The following NBEAL1 variants were observed in gnomAD, a reference collection of about 807,000 sequenced individuals.
The protein encoded by NBEAL1 is neurobeachin like 1.
Under a neutral mutation model 351.3 loss-of-function variants are expected in NBEAL1, and 273 were observed. The ratio of observed to expected loss-of-function variants is 0.78; its 90% CI spans 0.70 to 0.86. The LOEUF is 0.86. NBEAL1 is among the 40% of genes least tolerant of loss of function. The pLI is 0.00. For synonymous variants in NBEAL1, 1,050 were observed against 1,086.4 expected (o/e 0.97, Z 0.66); for missense variants, 2,961 against 3,201.3 (o/e 0.92, Z 1.81).
At chr2:203,107,376 G>T in intron 12 of NBEAL1, 44 bp from the exon 13 acceptor site, 1 of 929,442 alleles carries the variant, frequency 1.1e-6, no homozygotes, top group Non-Finnish European at 1.6e-6. Context: ...AACATATTCA[G>T]TCTTTGAAAA....
chr2:203,092,380 C>A (rs941810784), intron 10 of NBEAL1, among the ~76,000 whole-genome samples: 1 of 151,228 alleles, frequency 6.6e-6, no homozygotes, highest in Non-Finnish European at 1.5e-5. Flanking sequence ...ATGGTGAAAC[C>A]CTGTCTCTAC....
chr2:203,067,005 C>A (rs542710222), intron 6 of NBEAL1, among the ~76,000 whole-genome samples: 2 of 137,312 alleles, frequency 1.5e-5, no homozygotes, highest in Admixed American at 1.5e-4. Flanking sequence ...ACCTCCCAGA[C>A]GGGGCGGCCG....
chr2:203,041,862 T>C lies in NBEAL1; in HGVS notation c.143+6T>C, dbSNP rs1286773504. Reference sequence around the variant, plus strand: ...TTTGAAAAGCTGCCTACCAGGTATGTAGAAACGCTAATTTGTAACCCCTGG... The same window carrying C: ...TTTGAAAAGCTGCCTACCAGGTATGCAGAAACGCTAATTTGTAACCCCTGG... On this transcript the variant is annotated splice_donor_region_variant and intron_variant, in intron 3 of 55. Transcript: ENST00000683969. The C allele has an allele frequency of 6.5e-7, 1 of 1,542,146 alleles. No homozygotes were observed. The highest frequency in any genetic ancestry group is 8.8e-7 in the Non-Finnish European group (1 of 1,138,254).
chr2:203,201,860 T>A, intron 50 of NBEAL1, 145 bp downstream of exon 50: 1 of 554,278 alleles, frequency 1.8e-6, no homozygotes, highest in Non-Finnish European at 3.0e-6. Flanking sequence ...TATAAATATA[T>A]ACTTTCTATA....
chr2:203,136,572 T>G (rs1282449442), intron 28 of NBEAL1, 27 bp from the exon 29 acceptor site: 3 of 1,534,728 alleles, frequency 2.0e-6, no homozygotes, highest in Admixed American at 1.7e-5. Context: ...CCTCTAGTTA[T>G]TTAAAATTAC....
intron 2 of NBEAL1, among the ~76,000 whole-genome samples, chr2:203,028,756 T>C (rs965607102): frequency 1.2e-4 from 18 of 152,230 alleles, no homozygotes; most frequent in African/African-American, 4.3e-4. Context: ...GTGCCTGCTG[T>C]ATGCACATGT....
intron 43 of NBEAL1, 106 bp downstream of exon 43, chr2:203,180,618 A>C: frequency 3.8e-6 from 4 of 1,056,514 alleles, no homozygotes; most frequent in Non-Finnish European, 5.2e-6. Flanking sequence ...TTTAAGATTC[A>C]TTCTGTCTGT....
chr2:203,174,216 C>T (rs1459480495), intron 41 of NBEAL1, among the ~76,000 whole-genome samples: 1 of 24,592 alleles, frequency 4.1e-5, no homozygotes, highest in Non-Finnish European at 8.6e-5. Flanking sequence ...TTTATACTAG[C>T]AAAAAAAAAA....
chr2:203,061,159 C>A (rs2061492674), intron 6 of NBEAL1, among the ~76,000 whole-genome samples: 1 of 152,176 alleles, frequency 6.6e-6, no homozygotes, highest in Non-Finnish European at 1.5e-5. Flanking sequence ...CTTAGAATTA[C>A]AGGGTTTTTC....
intron 51 of NBEAL1, 39 bp from the exon 52 acceptor site, chr2:203,208,595 CAAG>C: frequency 6.9e-7 from 1 of 1,445,192 alleles, no homozygotes; most frequent in Non-Finnish European, 9.6e-7. Flanking sequence ...AAACAGGAAA[CAAG>C]AAACCACCTT....
At chr2:203,162,971 G>C (rs1451162354) in intron 36 of NBEAL1, among the ~76,000 whole-genome samples, 2 of 152,048 alleles carry the variant, frequency 1.3e-5, no homozygotes, top group African/African-American at 4.8e-5. Flanking sequence ...CCAACATAAT[G>C]AAACCCGAAA....
intron 46 of NBEAL1, among the ~76,000 whole-genome samples, chr2:203,191,822 C>T (rs2065098047): frequency 1.3e-5 from 2 of 152,140 alleles, no homozygotes; most frequent in African/African-American, 4.8e-5. Context: ...TTGTAAGCCC[C>T]CGTTAAACTA....
At chr2:203,032,758 G>A (rs1483253956) in intron 2 of NBEAL1, among the ~76,000 whole-genome samples, 3 of 132,456 alleles carry the variant, frequency 2.3e-5, no homozygotes, top group African/African-American at 8.3e-5. Flanking sequence ...TCCACCTCCT[G>A]GGCTCAAGTG....
intron 9 of NBEAL1, among the ~76,000 whole-genome samples, chr2:203,083,993 T>TGTGTGTGC (rs2061920054): frequency 6.6e-6 from 1 of 150,742 alleles, no homozygotes; most frequent in African/African-American, 2.5e-5. Flanking sequence ...TGTGTGTGTG[T>TGTGTGTGC]GTGTGTGTGT....
chr2:203,064,621 C>G (rs757758866), intron 6 of NBEAL1, among the ~76,000 whole-genome samples: 1 of 152,036 alleles, frequency 6.6e-6, no homozygotes, highest in Non-Finnish European at 1.5e-5. Context: ...GAAGAACATT[C>G]TAATTTTTTT....
chr2:203,223,783 T>A lies in NBEAL1; in HGVS notation c.*6429T>A, dbSNP rs1186672656. Reference sequence around the variant, plus strand: ...ACATATTCTGACACTAAGCAACATGTTTTACAATTTAGTGGGATGAACCTA... The same window carrying A: ...ACATATTCTGACACTAAGCAACATGATTTACAATTTAGTGGGATGAACCTA... On this transcript the variant is annotated 3_prime_UTR_variant, in exon 56 of 56. Transcript: ENST00000683969. Among the ~76,000 whole-genome samples, 1 of 152,066 alleles carries A rather than the reference T, an allele frequency of 6.6e-6. No individual in the cohort carries two copies. Among genetic ancestry groups the A allele is most frequent in the African/African-American group, 2.4e-5 (1 of 41,448 alleles).
At position 203,110,275 on chromosome 2, in the gene NBEAL1, C is replaced by T; in HGVS notation, c.2075C>T (p.Ser692Phe). The T allele has an allele frequency of 1.3e-6, 2 of 1,551,928 alleles. No homozygotes were observed. Among genetic ancestry groups the T allele is most frequent in the Non-Finnish European group, 8.7e-7 (1 of 1,146,972 alleles). ...VMLPDHSFCD[S>F]LWHNITVVHM... The stretch of plus-strand genomic sequence containing the variant: ...CTTCCTGACCACAGTTTCTGTGATT[C>T]CCTCTGGGTAAGGCTTTAGGGCATC... The change falls in exon 15 of 56, where the codon TCC (serine) becomes TTC (phenylalanine). Residue 692 changes from serine to phenylalanine, a missense_variant. By Grantham distance (155) the Ser-to-Phe change is radical. Transcript: ENST00000683969.
At chr2:203,148,862 A>G (rs1367729360) in intron 33 of NBEAL1, 129 bp from the exon 34 acceptor site, 2 of 632,810 alleles carry the variant, frequency 3.2e-6, no homozygotes, top group Admixed American at 3.6e-5. Context: ...AGAAAAGCCT[A>G]TTGGTTACTT....
At chr2:203,042,822 A>G (rs1420152116) in intron 3 of NBEAL1, among the ~76,000 whole-genome samples, 1 of 151,990 alleles carries the variant, frequency 6.6e-6, no homozygotes, top group Non-Finnish European at 1.5e-5. Context: ...TCTTGACCTC[A>G]TGATCCACCT....
Sources: gnomAD v4.1 joint callset for allele counts (sites outside exome capture counted in the v4.1 genomes callset) on GRCh38, gnomAD v4.1.1 for gene constraint, MANE v1.5 for transcripts, NCBI Gene and HGNC (gene_info 2026-07-23, HGNC 2026-07-21) for gene names.